Variants in PHLPP1 observed in about 807,000 individuals in gnomAD.
The protein encoded by PHLPP1 is PH domain leucine-rich repeat-containing protein phosphatase 1.
PHLPP1 carries 42 observed loss-of-function variants against 117.2 expected under a neutral mutation model. The ratio of observed to expected loss-of-function variants is 0.36; its 90% CI spans 0.28 to 0.46. PHLPP1 has a LOEUF of 0.46. Among genes scored for constraint, PHLPP1 ranks in the 20% least tolerant of loss-of-function variants. The pLI is 1.00. For missense variants in PHLPP1, 2,084 were observed against 2,241.9 expected, an observed-to-expected ratio of 0.93 and a Z score of 1.42; for synonymous variants, 1,042 against 970.7, an observed-to-expected ratio of 1.07 and a Z score of -1.37.
intron 1 of PHLPP1, among the ~76,000 whole-genome samples, chr18:62,801,475 C>T (rs1031745269): frequency 6.6e-6 from 1 of 151,846 alleles, no homozygotes; most frequent in African/African-American, 2.4e-5. Flanking sequence ...TATGGAGCCT[C>T]CCTCTGTCCG....
At chr18:62,875,078 C>T (rs897438050) in intron 4 of PHLPP1, among the ~76,000 whole-genome samples, 2 of 152,142 alleles carry the variant, frequency 1.3e-5, no homozygotes, top group Non-Finnish European at 2.9e-5. Flanking sequence ...CCTCAGCCTC[C>T]CGAGTAGCTG....
chr18:62,842,266 A>G (rs766840637), intron 3 of PHLPP1, among the ~76,000 whole-genome samples: 13 of 152,208 alleles, frequency 8.5e-5, no homozygotes, highest in Non-Finnish European at 1.3e-4. Context: ...CTTAACAACC[A>G]TGGCAGCCTT....
At chr18:62,974,549 T>C (rs764981339) in intron 15 of PHLPP1, among the ~76,000 whole-genome samples, 2 of 152,186 alleles carry the variant, frequency 1.3e-5, no homozygotes, top group Admixed American at 1.3e-4. Flanking sequence ...CTGGGCAGTG[T>C]TACCATTTGT....
At chr18:62,959,502 T>G (rs1286191790) in intron 13 of PHLPP1, among the ~76,000 whole-genome samples, 1 of 152,228 alleles carries the variant, frequency 6.6e-6, no homozygotes, top group Non-Finnish European at 1.5e-5. Flanking sequence ...TAAAGTGGTG[T>G]TATTCTCTGG....
intron 14 of PHLPP1, among the ~76,000 whole-genome samples, chr18:62,967,712 G>T (rs938325697): frequency 2.7e-5 from 4 of 149,060 alleles, no homozygotes; most frequent in Non-Finnish European, 6.0e-5. Flanking sequence ...TGACTGTATG[G>T]TTTTTTTTCT....
At chr18:62,934,931 A>G (rs1909926427) in intron 10 of PHLPP1, among the ~76,000 whole-genome samples, 1 of 152,214 alleles carries the variant, frequency 6.6e-6, no homozygotes, top group Admixed American at 6.5e-5. Flanking sequence ...CCAATTTCTT[A>G]ATGGGGAAAC....
chr18:62,716,237 T>C lies in PHLPP1; in HGVS notation c.554T>C (p.Leu185Pro), dbSNP rs889825102. The C allele has an allele frequency of 1.3e-6, 2 of 1,529,436 alleles. No homozygotes were observed. Among genetic ancestry groups the C allele is most frequent in the Non-Finnish European group, 1.7e-6 (2 of 1,144,204 alleles). 94.7% of individuals were successfully genotyped at this position (1,529,436 alleles called of 1,614,324 possible). A position where few individuals can be genotyped will look rare whatever the true frequency, so the allele number is the denominator to read the frequency against. ...KTLLLKHRQT[L>P]QLQPSDRDWV... is the part of the protein sequence containing the mutation. ...CTGCTTCTGAAGCACCGGCAGACGC[T>C]GCAGCTGCAGCCGTCGGACCGGGAC... Residue 185 changes from leucine (L) to proline (P), a missense_variant, in exon 1 of 17, where the codon CTG (leucine) becomes CCG (proline). By Grantham distance (98) the Leu-to-Pro change is moderately conservative. Transcript: ENST00000262719. This position sits in a 1 kb window ranked among gnomAD's most constrained non-coding sequence, Gnocchi z 5.7.
At chr18:62,810,657 T>C (rs1914086563) in intron 1 of PHLPP1, among the ~76,000 whole-genome samples, 1 of 152,200 alleles carries the variant, frequency 6.6e-6, no homozygotes, top group South Asian at 2.1e-4. Context: ...ATACCATTCA[T>C]ATGTTCTGAC....
intron 1 of PHLPP1, among the ~76,000 whole-genome samples, chr18:62,819,652 T>C (rs1199111254): frequency 6.6e-6 from 1 of 152,190 alleles, no homozygotes; most frequent in African/African-American, 2.4e-5. Context: ...TATTTTATTA[T>C]TATTTATTTA....
At chr18:62,869,257 T>A (rs1415144540) in intron 4 of PHLPP1, among the ~76,000 whole-genome samples, 1 of 152,178 alleles carries the variant, frequency 6.6e-6, no homozygotes, top group Admixed American at 6.5e-5. Flanking sequence ...AATCAGGGAC[T>A]CTGGTTCGTT....
chr18:62,886,290 AATTT>A (rs1016581589), intron 4 of PHLPP1, among the ~76,000 whole-genome samples: 1 of 151,952 alleles, frequency 6.6e-6, no homozygotes, highest in Non-Finnish European at 1.5e-5. Context: ...TTGTTTGTTT[AATTT>A]ATTTATTTTA....
chr18:62,735,457 A>G (rs544382072), intron 1 of PHLPP1, among the ~76,000 whole-genome samples: 2 of 152,076 alleles, frequency 1.3e-5, no homozygotes, highest in Admixed American at 1.3e-4. Flanking sequence ...GTATAGTTGG[A>G]ATGCTTATTT....
chr18:62,885,951 T>G (rs1916277554), intron 4 of PHLPP1, among the ~76,000 whole-genome samples: 2 of 152,206 alleles, frequency 1.3e-5, no homozygotes, highest in African/African-American at 4.8e-5. Flanking sequence ...TGCTCTATTC[T>G]CTCAATAGCA....
intron 13 of PHLPP1, among the ~76,000 whole-genome samples, chr18:62,959,812 G>A (rs1323474195): frequency 6.6e-6 from 1 of 152,162 alleles, no homozygotes; most frequent in Non-Finnish European, 1.5e-5. Context: ...GGCCTAATTA[G>A]TGCCTAATTT....
Position 62,716,665 on chromosome 18 carries a change from C to A in PHLPP1, c.982C>A (p.Pro328Thr). 7.0e-7 allele frequency: 1 copy of A among 1,438,424 alleles called. No individual in the cohort carries two copies. Among genetic ancestry groups the A allele is most frequent in the Non-Finnish European group, 9.1e-7 (1 of 1,097,478 alleles). The allele number at this position is 1,438,424 out of a possible 1,614,324, so 89.1% of individuals were successfully genotyped here. The part of the protein sequence containing the change: ...PAPSDSSPGE[P>T]FVGGPVSSPR... ...GCCCTCGGACTCCAGCCCCGGCGAG[C>A]CGTTCGTTGGGGGCCCTGTCTCTTC... is the stretch of plus-strand genomic sequence containing the variant. Residue 328 changes from proline (P) to threonine (T), a missense_variant, in exon 1 of 17, where the codon CCG becomes ACG. By Grantham distance (38) the Pro-to-Thr change is conservative (BLOSUM62 -1). Around this residue, in one of 2 missense-constraint regions of PHLPP1, gnomAD observed 719 missense variants for 636.0 expected, o/e 1.13. Coordinates refer to ENST00000262719, the MANE Select transcript of PHLPP1 (RefSeq NM_194449.4). This position sits in a 1 kb window ranked among gnomAD's most constrained non-coding sequence, Gnocchi z 5.7.
chr18:62,890,523 C>T (rs1425677838), intron 4 of PHLPP1, among the ~76,000 whole-genome samples: 1 of 152,204 alleles, frequency 6.6e-6, no homozygotes, highest in Non-Finnish European at 1.5e-5. Context: ...GCCTCAGCCT[C>T]CCAAAGTGCT....
intron 1 of PHLPP1, among the ~76,000 whole-genome samples, chr18:62,717,952 C>A (rs1476910734): frequency 2.0e-5 from 3 of 152,194 alleles, no homozygotes; most frequent in Non-Finnish European, 4.4e-5. Flanking sequence ...ATGGTCAGAA[C>A]TGACCACCGC....
intron 1 of PHLPP1, among the ~76,000 whole-genome samples, chr18:62,717,787 C>G (rs1323525672): frequency 6.6e-6 from 1 of 152,132 alleles, no homozygotes; most frequent in Non-Finnish European, 1.5e-5. Context: ...TCATAAATTA[C>G]CCACGGAGCC....
At chr18:62,903,915 A>G (rs1916786539) in intron 7 of PHLPP1, among the ~76,000 whole-genome samples, 1 of 152,252 alleles carries the variant, frequency 6.6e-6, no homozygotes, top group Admixed American at 6.5e-5. Context: ...GTTCCAAAAA[A>G]GAAAAGGTAG....
Sources: allele counts gnomAD v4.1 joint callset (sites outside exome capture counted in the v4.1 genomes callset), GRCh38; gene constraint gnomAD v4.1.1; regional missense constraint gnomAD v4.1.1; non-coding constraint Gnocchi (gnomAD v3.1); transcripts MANE v1.5; gene names NCBI Gene and HGNC (gene_info 2026-07-23, HGNC 2026-07-21).